DSC3: variants seen among roughly 807,000 people sequenced by gnomAD.
The protein encoded by DSC3 is desmocollin 3, also known as desmocollin-3.
DSC3 carries 97 observed loss-of-function variants against 89.5 expected under a neutral mutation model. The ratio of observed to expected loss-of-function variants is 1.08; its 90% CI spans 0.92 to 1.28. The LOEUF (loss-of-function observed/expected upper bound fraction) is 1.28, where lower values mean the gene tolerates loss of function less well. DSC3 is among the 50% of genes most tolerant of loss of function. The probability of loss-of-function intolerance (pLI) is 0.00; values close to 1 mark genes in which losing one functional copy is unlikely to be tolerated. For synonymous variants in DSC3, 436 were observed against 384.1 expected (o/e 1.14, Z -1.58); for missense variants, 1,199 against 1,085.3 (o/e 1.10, Z -1.47).
intron 9 of DSC3, among the ~76,000 whole-genome samples, chr18:31,014,942 T>TA (rs1212465400): frequency 6.6e-6 from 1 of 152,120 alleles, no homozygotes; most frequent in Non-Finnish European, 1.5e-5. Context: ...TTTGCCTTTT[T>TA]AAAAAAATCA....
At chr18:31,041,733 C>G (rs1598557603) in intron 1 of DSC3, among the ~76,000 whole-genome samples, 1 of 152,218 alleles carries the variant, frequency 6.6e-6, no homozygotes, top group East Asian at 1.9e-4. Context: ...AGAGCATCGT[C>G]TCTAACTTCC....
Position 31,024,494 on chromosome 18 carries a change from C to T in DSC3, c.631-1G>A, listed in dbSNP as rs112347191. On this transcript the variant is annotated splice_acceptor_variant, in intron 5 of 15. Transcript: ENST00000360428. LOFTEE classifies it high-confidence loss of function. ...CTGCAGTTGACGCATAAGCAATCAACTGCAAAATAGCAAAAAGAAAGTTCC... is the reference window on the plus strand; with the variant it reads ...CTGCAGTTGACGCATAAGCAATCAATTGCAAAATAGCAAAAAGAAAGTTCC... The T allele has an allele frequency of 2.5e-6, 4 of 1,612,064 alleles. No individual in the cohort carries two copies. Among genetic ancestry groups the T allele is most frequent in the African/African-American group, 1.3e-5 (1 of 74,864 alleles).
intron 6 of DSC3, among the ~76,000 whole-genome samples, chr18:31,023,918 T>C (rs1343223403): frequency 1.3e-5 from 2 of 151,660 alleles, no homozygotes. Context: ...AATAGGAGCA[T>C]AAAAAAAACT....
At chr18:31,013,814 C>T (rs1329924684) in intron 9 of DSC3, among the ~76,000 whole-genome samples, 1 of 152,040 alleles carries the variant, frequency 6.6e-6, no homozygotes, top group Non-Finnish European at 1.5e-5. Flanking sequence ...ACATGCACAA[C>T]CTTTCTGGAG....
intron 1 of DSC3, among the ~76,000 whole-genome samples, chr18:31,034,136 C>G (rs1223744740): frequency 6.6e-6 from 1 of 152,092 alleles, no homozygotes. Flanking sequence ...GAAGAAAATT[C>G]AAACGAATAA....
At chr18:31,011,969 C>CAAAAAAAA (rs371759932) in intron 9 of DSC3, among the ~76,000 whole-genome samples, 2 of 51,578 alleles carry the variant, frequency 3.9e-5, no homozygotes, top group East Asian at 1.9e-3. Context: ...ACTCCATCTC[C>CAAAAAAAA]AAAAAAAAAA....
chr18:31,007,874 A>C, intron 11 of DSC3, 142 bp downstream of exon 11: 2 of 796,402 alleles, frequency 2.5e-6, no homozygotes, highest in Non-Finnish European at 2.0e-6. Flanking sequence ...ACCTTGTTAG[A>C]TAATTAAGAG....
At chr18:31,025,319 A>G (rs1351607863) in intron 5 of DSC3, among the ~76,000 whole-genome samples, 1 of 152,142 alleles carries the variant, frequency 6.6e-6, no homozygotes, top group African/African-American at 2.4e-5. Context: ...TTTCTTATGT[A>G]GTTCTCAGAT....
At chr18:31,016,467 A>T (rs1393809470) in intron 9 of DSC3, among the ~76,000 whole-genome samples, 1 of 152,190 alleles carries the variant, frequency 6.6e-6, no homozygotes, top group Non-Finnish European at 1.5e-5. Context: ...TTGCAATCAC[A>T]TCAATTCGAA....
In DSC3 at chr18:30,992,541, G is replaced by A. The variant is rs1984303000; in HGVS notation, c.*1634C>T. 5 of 152,196 alleles carry A rather than the reference G, an allele frequency of 3.3e-5. No homozygotes were observed. The South Asian group carries it at 8.3e-4, about 25-fold the overall frequency. 9.4% of individuals were successfully genotyped at this position (152,196 alleles called of 1,614,324 possible). ...AAAGGAAAAGGCAGTGCCAAGCCTA[G>A]GAAAAAGTATGAAGCAGACGATGTT... is the stretch of plus-strand genomic sequence containing the variant. On this transcript the variant is annotated 3_prime_UTR_variant, in exon 16 of 16. Coordinates refer to ENST00000360428, the MANE Select transcript of DSC3 (RefSeq NM_001941.5).
At chr18:31,005,313 T>A (rs1598602812) in intron 12 of DSC3, among the ~76,000 whole-genome samples, 1 of 152,214 alleles carries the variant, frequency 6.6e-6, no homozygotes, top group East Asian at 1.9e-4. Flanking sequence ...CATGTCTCAG[T>A]TATTCACAGT....
In DSC3 at chr18:31,008,077, A is replaced by G; in HGVS notation, c.1602T>C (p.Asp534=). The change falls in exon 11 of 16, where the codon GAT becomes GAC. Residue 534 remains aspartate (D), a synonymous_variant. Transcript: ENST00000360428. ...SGSIITSKIL[D]REVETPKNEL... ...CATTTTTGGGAGTTTCAACCTCCCT[A>G]TCCAGGATTTTGGAAGTTATGATTG... is the stretch of plus-strand genomic sequence containing the variant. The G allele has an allele frequency of 6.2e-7, 1 of 1,613,238 alleles. No homozygotes were observed. The highest frequency in any genetic ancestry group is 8.5e-7 in the Non-Finnish European group (1 of 1,179,636).
At chr18:31,007,577 A>G (rs1304103630) in intron 11 of DSC3, among the ~76,000 whole-genome samples, 1 of 152,178 alleles carries the variant, frequency 6.6e-6, no homozygotes, top group Admixed American at 6.6e-5. Flanking sequence ...CTACAGATTA[A>G]TATTTTTATT....
intron 14 of DSC3, among the ~76,000 whole-genome samples, chr18:31,000,335 A>AT (rs1011285184): frequency 2.6e-5 from 4 of 152,186 alleles, no homozygotes; most frequent in African/African-American, 9.6e-5. Flanking sequence ...TAATATAACA[A>AT]TTACCATCAT....
Position 30,993,954 on chromosome 18 carries a change from C to A in DSC3, c.*221G>T. 1 of 463,202 alleles carries A rather than the reference C, an allele frequency of 2.2e-6. No individual in the cohort carries two copies. Among genetic ancestry groups the A allele is most frequent in the Non-Finnish European group, 3.9e-6 (1 of 255,488 alleles). The allele number at this position is 463,202 out of a possible 1,614,324, so 28.7% of individuals were successfully genotyped here. ...GCAGATGCTTTAGAGACCTTAATTC[C>A]AGTGCTGGAGTTTGAGATTTACCAG... On this transcript the variant is annotated 3_prime_UTR_variant, in exon 16 of 16. Coordinates refer to ENST00000360428, the MANE Select transcript of DSC3 (RefSeq NM_001941.5).
At position 30,994,518 on chromosome 18, in the gene DSC3, GA is replaced by G. The variant is rs374499856; in HGVS notation, c.2494-147del. ...ATTCCTACACACAGAAAATGCAAATGATTGGTCTATATCACAACCATACCAT... is the reference window on the plus strand; with the variant it reads ...ATTCCTACACACAGAAAATGCAAATGTTGGTCTATATCACAACCATACCAT... On this transcript the variant is annotated intron_variant, in intron 15 of 15. Transcript: ENST00000360428. 1.1e-3 allele frequency: 1,750 copies of G among 1,572,466 alleles called. 26 individuals are homozygous for G. In the African/African-American group the frequency reaches 0.022, roughly 20 times the overall value.
chr18:31,004,754 T>C (rs1434340757), intron 12 of DSC3, among the ~76,000 whole-genome samples: 5 of 152,200 alleles, frequency 3.3e-5, no homozygotes, highest in Non-Finnish European at 5.9e-5. Flanking sequence ...ATTGACCTTC[T>C]AGTATTTGCG....
At chr18:31,025,600 C>A (rs1464430019) in intron 5 of DSC3, among the ~76,000 whole-genome samples, 160 bp downstream of exon 5, 2 of 152,116 alleles carry the variant, frequency 1.3e-5, no homozygotes, top group East Asian at 3.8e-4. Context: ...AGACAAAGAG[C>A]TGACCAAGTA....
intron 1 of DSC3, among the ~76,000 whole-genome samples, chr18:31,035,631 C>T (rs1409645201): frequency 1.3e-5 from 2 of 151,802 alleles, no homozygotes; most frequent in South Asian, 2.1e-4. Flanking sequence ...TATTTACTCA[C>T]ATCTCTTTTC....
Sources: allele counts gnomAD v4.1 joint callset (sites outside exome capture counted in the v4.1 genomes callset), GRCh38; gene constraint gnomAD v4.1.1; transcripts MANE v1.5; gene names NCBI Gene and HGNC (gene_info 2026-07-23, HGNC 2026-07-21).